MBD5: variants seen among roughly 807,000 people sequenced by gnomAD.
MBD5 encodes methyl-CpG-binding domain protein 5.
A neutral mutation model predicts 117.3 loss-of-function variants in MBD5; 13 were observed. The ratio of observed to expected loss-of-function variants is 0.11; its 90% CI spans 0.07 to 0.18. MBD5 has a LOEUF of 0.18. MBD5 is among the 10% of genes least tolerant of loss of function. MBD5 has a pLI of 1.00. For synonymous variants in MBD5, 727 were observed against 766.4 expected (o/e 0.95, Z 0.85); for missense variants, 1,879 against 2,093.8 (o/e 0.90, Z 2.00).
At chr2:148,390,469 G>GTA (rs977380763) in intron 4 of MBD5, among the ~76,000 whole-genome samples, 2 of 150,350 alleles carry the variant, frequency 1.3e-5, no homozygotes, top group Non-Finnish European at 3.0e-5. Context: ...ATATGTGTGT[G>GTA]TATATATATA....
chr2:148,052,102 A>G lies in MBD5; in HGVS notation c.-925+30418A>G, dbSNP rs1036276349. ...TAAATTTTGTTGATTATTTTAAAGA[A>G]CAAACTTTTGCTTTTGTGGGTTTAT... On this transcript the variant is annotated intron_variant, in intron 1 of 13. Transcript: ENST00000642680. Among the ~76,000 whole-genome samples, 15 of 151,738 alleles carry G rather than the reference A, an allele frequency of 9.9e-5. No individual in the cohort carries two copies. In the East Asian group the frequency reaches 2.9e-3, roughly 29 times the overall value.
intron 3 of MBD5, among the ~76,000 whole-genome samples, chr2:148,322,314 G>A (rs1314030134): frequency 1.3e-5 from 2 of 152,134 alleles, no homozygotes; most frequent in Non-Finnish European, 2.9e-5. Context: ...CATTCTTGTT[G>A]TACATAACTT....
chr2:148,149,791 G>GT (rs1697590943), intron 1 of MBD5, among the ~76,000 whole-genome samples: 1 of 151,684 alleles, frequency 6.6e-6, no homozygotes. Context: ...GGGGTTGTTT[G>GT]TTTTTTTCTT....
intron 3 of MBD5, among the ~76,000 whole-genome samples, chr2:148,259,654 G>T (rs1419488560): frequency 6.6e-6 from 1 of 152,180 alleles, no homozygotes; most frequent in Non-Finnish European, 1.5e-5. Context: ...CTCTCTCTGG[G>T]TGCAAGTGAG....
chr2:148,180,833 C>T (rs796349848), intron 2 of MBD5, among the ~76,000 whole-genome samples: 25 of 152,254 alleles, frequency 1.6e-4, no homozygotes, highest in African/African-American at 5.5e-4. Flanking sequence ...TCTCATTCTC[C>T]TGCCCTTGAC....
intron 4 of MBD5, among the ~76,000 whole-genome samples, chr2:148,454,801 G>A (rs917650277): frequency 1.3e-5 from 2 of 152,002 alleles, no homozygotes; most frequent in Non-Finnish European, 2.9e-5. Flanking sequence ...CATTTTTAAT[G>A]TAAGCTTTTA....
chr2:148,412,489 A>C (rs1458952781), intron 4 of MBD5, among the ~76,000 whole-genome samples: 3 of 152,028 alleles, frequency 2.0e-5, no homozygotes, highest in African/African-American at 7.3e-5. Context: ...TTCTAATTCC[A>C]TGAAGACTGT....
intron 3 of MBD5, among the ~76,000 whole-genome samples, chr2:148,274,943 G>C (rs559774552): frequency 6.6e-6 from 1 of 151,948 alleles, no homozygotes; most frequent in Non-Finnish European, 1.5e-5. Flanking sequence ...GACTGGTCTC[G>C]AACTCCTCAG....
At chr2:148,325,082 A>G (rs952421837) in intron 3 of MBD5, among the ~76,000 whole-genome samples, 1 of 152,152 alleles carries the variant, frequency 6.6e-6, no homozygotes, top group African/African-American at 2.4e-5. Flanking sequence ...TTCTGCATCT[A>G]TTGAGATAAT....
chr2:148,170,218 G>A (rs982092067), intron 1 of MBD5, among the ~76,000 whole-genome samples: 13 of 152,114 alleles, frequency 8.5e-5, no homozygotes, highest in African/African-American at 2.9e-4. Flanking sequence ...TTTTCTTTGC[G>A]ACAAAAGGAT....
chr2:148,512,476 T>C (rs1682248635), intron 13 of MBD5, among the ~76,000 whole-genome samples: 1 of 152,208 alleles, frequency 6.6e-6, no homozygotes, highest in Non-Finnish European at 1.5e-5. Context: ...TGGTGTGTAA[T>C]TATTCATTCT....
intron 1 of MBD5, among the ~76,000 whole-genome samples, chr2:148,115,466 C>G (rs764014642): frequency 6.6e-6 from 1 of 152,124 alleles, no homozygotes; most frequent in Non-Finnish European, 1.5e-5. Context: ...TCTCTATTAA[C>G]AAGAAAATGC....
intron 1 of MBD5, among the ~76,000 whole-genome samples, chr2:148,051,730 TATG>T (rs1282705909): frequency 2.6e-5 from 4 of 152,002 alleles, no homozygotes; most frequent in Middle Eastern, 3.2e-3. Context: ...TAATCACAAT[TATG>T]ATATAATAAT....
intron 4 of MBD5, among the ~76,000 whole-genome samples, chr2:148,450,162 T>C (rs1559076951): frequency 6.6e-6 from 1 of 152,178 alleles, no homozygotes; most frequent in East Asian, 1.9e-4. Context: ...GTACTTACTA[T>C]GTGCTAGGCA....
chr2:148,434,121 G>T lies in MBD5; in HGVS notation c.-556-24082G>T, dbSNP rs567669854. On this transcript the variant is annotated intron_variant, in intron 4 of 13. Coordinates refer to ENST00000642680, the MANE Select transcript of MBD5 (RefSeq NM_001378120.1). ...TTTCACCCTGGTTCAGTCTTGGGAG[G>T]TTGTATATTTCCAGAGTTTATACAT... Among the ~76,000 whole-genome samples, 5 of 152,060 alleles carry T rather than the reference G, an allele frequency of 3.3e-5. No homozygotes were observed. In the South Asian group the frequency reaches 8.3e-4, roughly 25 times the overall value.
At position 148,499,276 on chromosome 2, in the gene MBD5, C is replaced by T. The variant is rs374217991; in HGVS notation, c.4963-3160C>T. ...CAAGGTCACGCCACTGCATTCTAGC[C>T]TGGCCAACAGAGCAAGACCCTGTTA... On this transcript the variant is annotated intron_variant, in intron 11 of 13. Coordinates refer to ENST00000642680, the MANE Select transcript of MBD5 (RefSeq NM_001378120.1). Among the ~76,000 whole-genome samples the T allele has an allele frequency of 2.6e-5, 4 of 152,272 alleles. No homozygotes were observed. In the South Asian group the frequency reaches 6.2e-4, roughly 24 times the overall value.
chr2:148,056,322 C>T (rs1334330071), intron 1 of MBD5, among the ~76,000 whole-genome samples: 1 of 151,982 alleles, frequency 6.6e-6, no homozygotes, highest in Non-Finnish European at 1.5e-5. Context: ...TTTTCCAAAC[C>T]TTATGCCTTT....
intron 3 of MBD5, among the ~76,000 whole-genome samples, chr2:148,276,396 A>C (rs1701115328): frequency 6.6e-6 from 1 of 152,192 alleles, no homozygotes; most frequent in Non-Finnish European, 1.5e-5. Flanking sequence ...ACTATAATTA[A>C]TATTATTGCA....
chr2:148,198,147 T>G (rs1699043656), intron 2 of MBD5, among the ~76,000 whole-genome samples: 1 of 152,078 alleles, frequency 6.6e-6, no homozygotes, highest in Non-Finnish European at 1.5e-5. Context: ...TTCTCCAGAG[T>G]CTTGATAGCT....
Sources: allele counts gnomAD v4.1 joint callset (sites outside exome capture counted in the v4.1 genomes callset), GRCh38; gene constraint gnomAD v4.1.1; transcripts MANE v1.5; gene names NCBI Gene and HGNC (gene_info 2026-07-23, HGNC 2026-07-21).